TDP1: variants seen among roughly 807,000 people sequenced by gnomAD.
The protein encoded by TDP1 is tyr-DNA phosphodiesterase 1.
TDP1 carries 64 observed loss-of-function variants against 81.5 expected under a neutral mutation model. The ratio of observed to expected loss-of-function variants is 0.79; its 90% CI spans 0.64 to 0.97. The LOEUF (loss-of-function observed/expected upper bound fraction) is 0.97. TDP1 is among the 50% of genes least tolerant of loss of function. The pLI, the probability that TDP1 is intolerant of heterozygous loss-of-function variation, is 0.00. For missense variants in TDP1, 723 were observed against 743.8 expected (o/e 0.97, Z 0.33); for synonymous variants, 256 against 264.3 (o/e 0.97, Z 0.30).
chr14:89,971,169 T>A lies in TDP1; in HGVS notation c.660-6T>A. 6.2e-7 allele frequency: 1 copy of A among 1,612,958 alleles called. No homozygotes were observed. The highest frequency in any genetic ancestry group is 8.5e-7 in the Non-Finnish European group (1 of 1,179,130). Reference sequence around the variant, plus strand: ...TGTATATTAAATACTAATGCTCTCTTTTTAGGAAGAAGCCAATCCTGCTTG... The same window carrying A: ...TGTATATTAAATACTAATGCTCTCTATTTAGGAAGAAGCCAATCCTGCTTG... On this transcript the variant is annotated splice_polypyrimidine_tract_variant and splice_region_variant and intron_variant, in intron 5 of 16. Transcript: ENST00000335725.
At chr14:89,954,978 A>C, upstream of TDP1, 1 of 459,162 alleles carries the variant, frequency 2.2e-6, no homozygotes, top group South Asian at 3.0e-5. Flanking sequence ...AAGCGCTTCT[A>C]GGTGCTGGTT....
At chr14:90,016,045 T>C (rs1885270996) in intron 14 of TDP1, among the ~76,000 whole-genome samples, 1 of 149,920 alleles carries the variant, frequency 6.7e-6, no homozygotes, top group African/African-American at 2.5e-5. Context: ...CCTTTTTTTT[T>C]CTTTTTTTTT....
chr14:89,963,252 C>T lies in TDP1; in HGVS notation c.138C>T (p.Tyr46=). 6.2e-7 allele frequency: 1 copy of T among 1,614,186 alleles called. No individual in the cohort carries two copies. Among genetic ancestry groups the T allele is most frequent in the Non-Finnish European group, 8.5e-7 (1 of 1,180,028 alleles). The change falls in exon 3 of 17, where the codon TAC becomes TAT. Residue 46 remains tyrosine (Y), a synonymous_variant. Coordinates refer to ENST00000335725, the MANE Select transcript of TDP1 (RefSeq NM_018319.4). ...ARQGAANEPR[Y]TCSEAQKAAH... ...AAGGAGCAGCAAATGAGCCCAGGTA[C>T]ACCTGTTCCGAGGCCCAGAAAGCTG...
intron 14 of TDP1, among the ~76,000 whole-genome samples, chr14:90,002,296 C>G (rs1897253897): frequency 6.6e-6 from 1 of 152,152 alleles, no homozygotes; most frequent in Admixed American, 6.5e-5. Flanking sequence ...TCCAAAGATC[C>G]AAGTCCTAAT....
chr14:90,032,938 C>CGG (rs3215752), intron 15 of TDP1, 168 bp from the exon 16 acceptor site: 1 of 851,028 alleles, frequency 1.2e-6, no homozygotes, highest in Non-Finnish European at 1.4e-6. Context: ...TAATTTGGGG[C>CGG]GGGGGGGTTG....
At chr14:90,016,850 G>T (rs1367084594) in intron 14 of TDP1, among the ~76,000 whole-genome samples, 1 of 152,126 alleles carries the variant, frequency 6.6e-6, no homozygotes, top group African/African-American at 2.4e-5. Context: ...AGTGTTTCTG[G>T]TAGATGGTAG....
At chr14:90,031,446 C>T (rs1022343844) in intron 15 of TDP1, among the ~76,000 whole-genome samples, 1 of 151,972 alleles carries the variant, frequency 6.6e-6, no homozygotes, top group African/African-American at 2.4e-5. Context: ...CACTCGAGGC[C>T]AGGAGTTCAA....
At chr14:90,037,498 T>C (rs1176754134) in intron 16 of TDP1, among the ~76,000 whole-genome samples, 1 of 152,192 alleles carries the variant, frequency 6.6e-6, no homozygotes, top group Non-Finnish European at 1.5e-5. Context: ...TATGAGTACT[T>C]ATATAGTATT....
chr14:89,989,009 A>G lies in TDP1; in HGVS notation c.1236A>G (p.Leu412=), dbSNP rs150288037. 3.3e-5 allele frequency: 54 copies of G among 1,614,016 alleles called. No homozygotes were observed. The highest frequency in any genetic ancestry group is 1.2e-4 in the Admixed American group (7 of 59,998). ...TGGGAGCCGATGAATCAAAGTGGTT[A>G]TGTTCTGAGTTTAAAGAGAGCATGC... The part of the protein sequence containing the change: ...GSLGADESKW[L]CSEFKESMLT... Residue 412 remains leucine, a synonymous_variant, in exon 11 of 17, where the codon TTA becomes TTG. Coordinates refer to ENST00000335725, the MANE Select transcript of TDP1 (RefSeq NM_018319.4).
At chr14:89,967,630 C>G (rs991896419) in intron 5 of TDP1, among the ~76,000 whole-genome samples, 1 of 152,156 alleles carries the variant, frequency 6.6e-6, no homozygotes, top group African/African-American at 2.4e-5. Flanking sequence ...TAGCATTTTC[C>G]TCTGTGCTCT....
chr14:89,963,712 C>T, intron 3 of TDP1, 39 bp downstream of exon 3: 1 of 1,608,868 alleles, frequency 6.2e-7, no homozygotes. Flanking sequence ...GTTGAATTGC[C>T]CTTGAGAGTC....
chr14:90,019,279 C>G, intron 14 of TDP1, 37 bp from the exon 15 acceptor site: 1 of 1,439,148 alleles, frequency 6.9e-7, no homozygotes, highest in Non-Finnish European at 9.8e-7. Context: ...TGAGATGCCT[C>G]CCTGAGTCAG....
Position 89,963,478 on chromosome 14 carries a change from G to A in TDP1, c.364G>A (p.Gly122Ser), listed in dbSNP as rs375647992. 63 of 1,608,776 alleles carry A rather than the reference G, an allele frequency of 3.9e-5. No homozygotes were observed. The Middle Eastern group carries it at 6.6e-4, about 17-fold the overall frequency. The change falls in exon 3 of 17, where the codon GGC becomes AGC. Residue 122 changes from glycine (G) to serine (S), a missense_variant. Physicochemically the swap from Gly to Ser is moderately conservative, Grantham distance 56. Transcript: ENST00000335725. ...GAAAGACATCTCTGCTCCCAATGAC[G>A]GCACTGCCCAAAGAACTGAAAATCA... The part of the protein sequence containing the change: ...KEKDISAPND[G>S]TAQRTENHGA...
intron 2 of TDP1, chr14:89,962,855 C>A: frequency 2.1e-6 from 2 of 943,044 alleles, no homozygotes; most frequent in African/African-American, 1.8e-5. Flanking sequence ...AGCTGGGTGA[C>A]AGAGCGAGAC....
chr14:89,968,699 G>A (rs1893238798), intron 5 of TDP1, among the ~76,000 whole-genome samples: 1 of 152,218 alleles, frequency 6.6e-6, no homozygotes, highest in Non-Finnish European at 1.5e-5. Context: ...CCTCCTCGCA[G>A]TAGTATCCTT....
At position 90,044,691 on chromosome 14, in the gene TDP1, A is replaced by C. The variant is rs1468020738; in HGVS notation, c.*1548A>C. ...TGTTGTACATACTGGGATTCTGTAAAGGACATTATCTGGGGTGTTGTATGT... is the reference window on the plus strand; with the variant it reads ...TGTTGTACATACTGGGATTCTGTAACGGACATTATCTGGGGTGTTGTATGT... On this transcript the variant is annotated 3_prime_UTR_variant, in exon 17 of 17. Transcript: ENST00000335725. The C allele has an allele frequency of 6.6e-6, 1 of 152,214 alleles. No individual in the cohort carries two copies. The highest frequency in any genetic ancestry group is 1.9e-4 in the East Asian group (1 of 5,194). 9.4% of individuals were successfully genotyped at this position (152,214 alleles called of 1,614,324 possible).
At chr14:90,004,524 G>T (rs886277732) in intron 14 of TDP1, among the ~76,000 whole-genome samples, 4 of 152,206 alleles carry the variant, frequency 2.6e-5, no homozygotes, top group Non-Finnish European at 5.9e-5. Context: ...AAAGCATAGA[G>T]AGCTTAAATA....
intron 14 of TDP1, among the ~76,000 whole-genome samples, chr14:90,011,385 G>A (rs974303422): frequency 3.3e-5 from 5 of 152,148 alleles, no homozygotes; most frequent in Admixed American, 3.3e-4. Context: ...AGTTTGGAGG[G>A]CTCAGAAGAA....
chr14:89,985,057 G>A lies in TDP1; in HGVS notation c.1053-75G>A, dbSNP rs547731349. On this transcript the variant is annotated intron_variant, in intron 9 of 16. Coordinates refer to ENST00000335725, the MANE Select transcript of TDP1 (RefSeq NM_018319.4). ...ATTTCTTGATTATATTAGTTTTCATGTGTATTTTGTCATTTTTTTTGGTGC... is the reference window on the plus strand; with the variant it reads ...ATTTCTTGATTATATTAGTTTTCATATGTATTTTGTCATTTTTTTTGGTGC... 11 of 1,348,562 alleles carry A rather than the reference G, an allele frequency of 8.2e-6. No individual in the cohort carries two copies. In the East Asian group the frequency reaches 2.6e-4, roughly 32 times the overall value. The allele number at this position is 1,348,562 out of a possible 1,614,324, so 83.5% of individuals were successfully genotyped here. A position where few individuals can be genotyped will look rare whatever the true frequency, so the allele number is the denominator to read the frequency against.
Sources: gnomAD v4.1 joint callset for allele counts (sites outside exome capture counted in the v4.1 genomes callset) on GRCh38, gnomAD v4.1.1 for gene constraint, MANE v1.5 for transcripts, NCBI Gene and HGNC (gene_info 2026-07-23, HGNC 2026-07-21) for gene names.